RYR1: variants seen among roughly 807,000 people sequenced by gnomAD.
RYR1 encodes central core disease of muscle.
RYR1 carries 342 observed loss-of-function variants against 583.5 expected under a neutral mutation model. The ratio of observed to expected loss-of-function variants is 0.59; its 90% CI spans 0.54 to 0.64. The LOEUF is 0.64. RYR1 is among the 30% of genes least tolerant of loss of function. The pLI is 0.00. For synonymous variants in RYR1, 2,791 were observed against 2,822.5 expected (o/e 0.99, Z 0.35); for missense variants, 6,032 against 6,917.2 (o/e 0.87, Z 4.54).
At chr19:38,577,524 C>T (rs1351692686) in intron 97 of RYR1, among the ~76,000 whole-genome samples, 7 of 152,116 alleles carry the variant, frequency 4.6e-5, no homozygotes, top group East Asian at 1.9e-4. Context: ...GGGCTGGGCA[C>T]GGTGGCTCAC....
Position 38,496,631 on chromosome 19 carries a change from T to C in RYR1, c.6796+90T>C. The C allele has an allele frequency of 6.7e-7, 1 of 1,494,266 alleles. No homozygotes were observed. The highest frequency in any genetic ancestry group is 9.3e-7 in the Non-Finnish European group (1 of 1,075,442). The allele number at this position is 1,494,266 out of a possible 1,614,324, so 92.6% of individuals were successfully genotyped here. On this transcript the variant is annotated intron_variant, in intron 41 of 105. Transcript: ENST00000359596. This position sits in a 1 kb window ranked among gnomAD's most constrained non-coding sequence, Gnocchi z 4.8. ...CCCCACTTTCCACCAGCTCACTCAT[T>C]CAACAAACACTCCCTCTCAACTGTG... is the stretch of plus-strand genomic sequence containing the variant.
At position 38,566,940 on chromosome 19, in the gene RYR1, A is replaced by AGAGCCAGAGCCCGAGCCG; in HGVS notation, c.13470_13487dup (p.Pro4493_Glu4498dup). 1.9e-6 allele frequency: 3 copies of AGAGCCAGAGCCCGAGCCG among 1,606,898 alleles called. No individual in the cohort carries two copies. The highest frequency in any genetic ancestry group is 1.1e-5 in the South Asian group (1 of 89,508). ...ATGGAGTGGAGGAGGAGCTCCCGCC[A>AGAGCCAGAGCCCGAGCCG]GAGCCAGAGCCCGAGCCGGAACCAG... is the stretch of plus-strand genomic sequence containing the variant. On this transcript the variant is annotated inframe_insertion, in exon 92 of 106. Transcript: ENST00000359596.
intron 57 of RYR1, 45 bp downstream of exon 57, chr19:38,506,997 AC>A (rs772914497): frequency 6.2e-7 from 1 of 1,611,228 alleles, no homozygotes. Context: ...GGCAGAACAC[AC>A]CCGGCAAAGG....
At chr19:38,526,342 C>T (rs1971464848) in intron 71 of RYR1, among the ~76,000 whole-genome samples, 1 of 151,876 alleles carries the variant, frequency 6.6e-6, no homozygotes, top group Non-Finnish European at 1.5e-5. Flanking sequence ...TAGCCCTCCC[C>T]CCAGGACCAC....
In RYR1 at chr19:38,517,532, C is replaced by A. The variant is rs201276068; in HGVS notation, c.9859C>A (p.Arg3287Ser). 2 of 1,613,886 alleles carry A rather than the reference C, an allele frequency of 1.2e-6. No individual in the cohort carries two copies. The highest frequency in any genetic ancestry group is 1.7e-6 in the Non-Finnish European group (2 of 1,179,890). ...CAGCTACCTGCCCCGATGGTGGGAG[C>A]GCGGGCCCGAGGCACCCCCTTCCGC... The part of the protein sequence containing the change: ...LCSYLPRWWE[R>S]GPEAPPSALP... The change falls in exon 66 of 106, where the codon CGC becomes AGC. Residue 3287 changes from arginine (R) to serine (S), a missense_variant. Physicochemically the swap from Arg to Ser is moderately radical, Grantham distance 110. Coordinates refer to ENST00000359596, the MANE Select transcript of RYR1 (RefSeq NM_000540.3).
At position 38,536,281 on chromosome 19, in the gene RYR1, GCC is replaced by G. The variant is rs71165557; in HGVS notation, c.11590+219_11590+220del. 0.016 allele frequency among the ~76,000 whole-genome samples: 1,005 copies of G among 62,438 alleles called. 28 individuals are homozygous for G. The highest frequency in any genetic ancestry group is 0.091 in the East Asian group (241 of 2,656). The allele number at this position is 62,438 out of a possible 152,430, so 41.0% of individuals were successfully genotyped here. On this transcript the variant is annotated intron_variant, in intron 82 of 105. Coordinates refer to ENST00000359596, the MANE Select transcript of RYR1 (RefSeq NM_000540.3). ...CTCCCCATGTCCACCACCCACCTCC[GCC>G]CCCCCCCGCCACCAGAAGTCATTCT...
chr19:38,541,813 C>T (rs79542126), intron 84 of RYR1, among the ~76,000 whole-genome samples: 2,073 of 151,580 alleles, frequency 0.014, 80 homozygotes, highest in Admixed American at 0.082. Flanking sequence ...GCTGGACATA[C>T]GGCTCATGTC....
At chr19:38,552,332 G>A (rs918806829) in intron 89 of RYR1, among the ~76,000 whole-genome samples, 4 of 151,394 alleles carry the variant, frequency 2.6e-5, no homozygotes, top group Non-Finnish European at 5.9e-5. Context: ...TCGGCTCACT[G>A]CAAACTCCGC....
intron 69 of RYR1, chr19:38,523,660 C>T (rs1971325081): frequency 1.6e-6 from 1 of 612,958 alleles, no homozygotes; most frequent in African/African-American, 1.8e-5. Flanking sequence ...TCCCCATTTT[C>T]CCCCTCTTCC....
At position 38,528,370 on chromosome 19, in the gene RYR1, G is replaced by A. The variant is rs1971574087; in HGVS notation, c.10889G>A (p.Arg3630Gln). ...AAGCTTTTGTCCAAACAGCGCCGGCGGGCAGTCGTGGCCTGTTTCCGTATG... is the reference window on the plus strand; with the variant it reads ...AAGCTTTTGTCCAAACAGCGCCGGCAGGCAGTCGTGGCCTGTTTCCGTATG... ...WHKLLSKQRR[R>Q]AVVACFRMTP... Residue 3630 changes from arginine to glutamine, a missense_variant, in exon 74 of 106, where the codon CGG becomes CAG. Coordinates refer to ENST00000359596, the MANE Select transcript of RYR1 (RefSeq NM_000540.3). 6.2e-7 allele frequency: 1 copy of A among 1,613,964 alleles called. No individual in the cohort carries two copies. The highest frequency in any genetic ancestry group is 8.5e-7 in the Non-Finnish European group (1 of 1,180,022).
intron 83 of RYR1, chr19:38,537,048 A>T: frequency 7.1e-6 from 4 of 564,952 alleles, no homozygotes; most frequent in Non-Finnish European, 1.3e-5. Context: ...AGAACATGGT[A>T]AAGATCTCTT....
In RYR1 at chr19:38,586,325, GA is replaced by G; in HGVS notation, c.14969+136del. On this transcript the variant is annotated intron_variant, in intron 104 of 105. Coordinates refer to ENST00000359596, the MANE Select transcript of RYR1 (RefSeq NM_000540.3). ...GGGCAGATTCCCTGCCAGCCAATCA[GA>G]AGGTAAGGGTGGGGCCCCGCAAGAT... 6 of 1,124,728 alleles carry G rather than the reference GA, an allele frequency of 5.3e-6. No homozygotes were observed. In the South Asian group the frequency reaches 7.9e-5, roughly 15 times the overall value. 69.7% of individuals were successfully genotyped at this position (1,124,728 alleles called of 1,614,324 possible). A position where few individuals can be genotyped will look rare whatever the true frequency, so the allele number is the denominator to read the frequency against.
At chr19:38,531,264 G>A (rs1971728584) in intron 76 of RYR1, among the ~76,000 whole-genome samples, 1 of 152,028 alleles carries the variant, frequency 6.6e-6, no homozygotes, top group African/African-American at 2.4e-5. Flanking sequence ...CTGTGGGAGA[G>A]CGATGGCTCT....
intron 101 of RYR1, among the ~76,000 whole-genome samples, chr19:38,581,807 A>C (rs1047519737): frequency 6.7e-5 from 10 of 149,814 alleles, no homozygotes; most frequent in East Asian, 6.1e-4. Flanking sequence ...GGGGTCTCAC[A>C]ATGTTGGCCA....
intron 22 of RYR1, 98 bp from the exon 23 acceptor site, chr19:38,464,541 C>T (rs1967984967): frequency 2.0e-6 from 2 of 984,288 alleles, no homozygotes; most frequent in Non-Finnish European, 3.1e-6. Context: ...ACTGAAGCAG[C>T]AGAGGTAGAG....
chr19:38,508,462 C>A (rs184641728), intron 58 of RYR1, among the ~76,000 whole-genome samples: 1 of 152,200 alleles, frequency 6.6e-6, no homozygotes, highest in African/African-American at 2.4e-5. Context: ...TCTGCCGCCT[C>A]GGCCTCCCAA....
At chr19:38,525,960 CTG>C (rs1316922063) in intron 71 of RYR1, among the ~76,000 whole-genome samples, 1 of 151,980 alleles carries the variant, frequency 6.6e-6, no homozygotes, top group African/African-American at 2.4e-5. Context: ...GACTGAACCT[CTG>C]GGTTCCTGCT....
intron 99 of RYR1, among the ~76,000 whole-genome samples, chr19:38,579,408 G>A (rs1371409138): frequency 2.8e-5 from 4 of 141,832 alleles, no homozygotes; most frequent in Non-Finnish European, 6.0e-5. Context: ...CTGGGCAACA[G>A]ACTAAGACTC....
At chr19:38,491,718 T>C (rs59052455) in intron 37 of RYR1, among the ~76,000 whole-genome samples, 48,538 of 152,042 alleles carry the variant, frequency 0.32, 9,543 homozygotes, top group African/African-American at 0.53. Flanking sequence ...TGTGAGCCAC[T>C]GCACCTGGCC....
Sources: allele counts gnomAD v4.1 joint callset (sites outside exome capture counted in the v4.1 genomes callset), GRCh38; gene constraint gnomAD v4.1.1; non-coding constraint Gnocchi (gnomAD v3.1); transcripts MANE v1.5; gene names NCBI Gene and HGNC (gene_info 2026-07-23, HGNC 2026-07-21).